DOCK6: variants seen among roughly 807,000 people sequenced by gnomAD.
The protein encoded by DOCK6 is dedicator of cytokinesis protein 6.
DOCK6 carries 167 observed loss-of-function variants against 230.3 expected under a neutral mutation model. The ratio of observed to expected loss-of-function variants is 0.73; its 90% CI spans 0.64 to 0.82. The LOEUF is 0.82. Among genes scored for constraint, DOCK6 ranks in the 40% least tolerant of loss-of-function variants. DOCK6 has a pLI of 0.00. For synonymous variants in DOCK6, 1,148 were observed against 1,185.0 expected, an observed-to-expected ratio of 0.97 and a Z score of 0.64; for missense variants, 2,598 against 2,825.8, an observed-to-expected ratio of 0.92 and a Z score of 1.83.
intron 1 of DOCK6, among the ~76,000 whole-genome samples, chr19:11,256,147 AGCGCTT>A (rs1251108404): frequency 6.6e-6 from 1 of 152,170 alleles, no homozygotes; most frequent in Non-Finnish European, 1.5e-5. Flanking sequence ...GGTTGAGAAA[AGCGCTT>A]GTGGGGAATT....
chr19:11,235,741 G>A lies in DOCK6; in HGVS notation c.2411C>T (p.Ala804Val), dbSNP rs369801948. ...GACTACATGGGCCATTGCTTCAAAG[G>A]CTCCACGGCCCAGGTTCACTGCAGG... ...SGQIVNLGRG[A>V]FEAMAHVVSL... The change falls in exon 21 of 48, where the codon GCC becomes GTC. Residue 804 changes from alanine (A) to valine (V), a missense_variant. Transcript: ENST00000294618. The A allele has an allele frequency of 2.3e-5, 37 of 1,594,848 alleles. 1 individual carries two copies. Among genetic ancestry groups the A allele is most frequent in the Admixed American group, 3.4e-5 (2 of 58,022 alleles).
chr19:11,224,892 A>T (rs527722653), intron 24 of DOCK6, among the ~76,000 whole-genome samples: 3 of 152,040 alleles, frequency 2.0e-5, no homozygotes, highest in African/African-American at 7.2e-5. Flanking sequence ...GTGAAACCCC[A>T]TCTCTACTAA....
At position 11,209,037 on chromosome 19, in the gene DOCK6, C is replaced by A; in HGVS notation, c.4818G>T (p.Lys1606Asn). The change falls in exon 38 of 48, where the codon AAG becomes AAT. Residue 1606 changes from lysine to asparagine, a missense_variant. Coordinates refer to ENST00000294618, the MANE Select transcript of DOCK6 (RefSeq NM_020812.4). Reference sequence around the variant, plus strand: ...CGGCGTGGTTGCCCAGCTCCGCGTGCTTCCCGGCCATGTTCTGCAACCAGG... The same window carrying A: ...CGGCGTGGTTGCCCAGCTCCGCGTGATTCCCGGCCATGTTCTGCAACCAGG... ...RLTWLQNMAG[K>N]HAELGNHAEA... 6.2e-7 allele frequency: 1 copy of A among 1,612,140 alleles called. No individual in the cohort carries two copies. The highest frequency in any genetic ancestry group is 8.5e-7 in the Non-Finnish European group (1 of 1,179,400).
In DOCK6 at chr19:11,222,269, G is replaced by A; in HGVS notation, c.3241-21C>T. On this transcript the variant is annotated intron_variant, in intron 26 of 47. Transcript: ENST00000294618. The surrounding 1 kb of genome is among the most constrained non-coding windows in gnomAD (Gnocchi z 4.0). ...GAGCTCTGCAGAGTGGGGGAAAAAT[G>A]GGGGATGCCAGCGGTCAAGGGTCAG... 1.9e-6 allele frequency: 3 copies of A among 1,585,962 alleles called. No homozygotes were observed. The highest frequency in any genetic ancestry group is 1.7e-6 in the Non-Finnish European group (2 of 1,166,224).
chr19:11,216,072 G>C, intron 30 of DOCK6, 145 bp from the exon 31 acceptor site: 2 of 1,058,918 alleles, frequency 1.9e-6, no homozygotes, highest in Non-Finnish European at 2.6e-6. Flanking sequence ...TAAATTCTTA[G>C]CACTTACCAA....
At chr19:11,246,492 G>T (rs1435028494) in intron 7 of DOCK6, among the ~76,000 whole-genome samples, 1 of 152,108 alleles carries the variant, frequency 6.6e-6, no homozygotes, top group Non-Finnish European at 1.5e-5. Flanking sequence ...TCACCATGTT[G>T]GCCAGGCTGG....
At chr19:11,214,045 A>C (rs2079437731) in intron 34 of DOCK6, among the ~76,000 whole-genome samples, 1 of 151,882 alleles carries the variant, frequency 6.6e-6, no homozygotes, top group African/African-American at 2.4e-5. Context: ...AGCCTCCCAA[A>C]GTGCTGGGAT....
In DOCK6 at chr19:11,202,480, ACTC is replaced by A. The variant is rs747947351; in HGVS notation, c.5362_5364del (p.Glu1788del). ...TCGTCGCCAAATCTCTCCGTGTAGA[ACTC>A]CTGGAGACACAGGGCTGACTCGGGG... is the stretch of plus-strand genomic sequence containing the variant. On this transcript the variant is annotated inframe_deletion and splice_region_variant, in exon 43 of 48. Transcript: ENST00000294618. The surrounding 1 kb of genome is among the most constrained non-coding windows in gnomAD (Gnocchi z 5.3). 6.2e-7 allele frequency: 1 copy of A among 1,608,642 alleles called. No homozygotes were observed. The highest frequency in any genetic ancestry group is 1.7e-5 in the Admixed American group (1 of 59,698).
At chr19:11,246,198 C>T (rs1431253547) in intron 7 of DOCK6, among the ~76,000 whole-genome samples, 1 of 151,864 alleles carries the variant, frequency 6.6e-6, no homozygotes, top group Non-Finnish European at 1.5e-5. Context: ...TCCTGAGTAG[C>T]TGGGACTACA....
intron 1 of DOCK6, among the ~76,000 whole-genome samples, chr19:11,259,947 G>A (rs143945015): frequency 0.019 from 2,581 of 136,006 alleles, 84 homozygotes; most frequent in African/African-American, 0.065. Context: ...GCAGTGGCAC[G>A]ATCTCTGCTC....
intron 14 of DOCK6, chr19:11,241,760 G>A (rs1436949419): frequency 2.1e-5 from 32 of 1,548,916 alleles, no homozygotes; most frequent in Non-Finnish European, 2.5e-5. Flanking sequence ...CCCCTGTGCA[G>A]GGAGGAGCTG....
chr19:11,223,633 T>A lies in DOCK6; in HGVS notation c.2956-527A>T, dbSNP rs189075198. On this transcript the variant is annotated intron_variant, in intron 24 of 47. Transcript: ENST00000294618. ...ATCGACTCTTACCATCATTTATTTT[T>A]ATTTTAATTTTAATTAATTAATTTA... Among the ~76,000 whole-genome samples, 998 of 152,322 alleles carry A rather than the reference T, an allele frequency of 6.6e-3. 9 individuals carry two copies. The highest frequency in any genetic ancestry group is 0.011 in the Non-Finnish European group (757 of 68,020).
chr19:11,262,373 GA>G, intron 1 of DOCK6, 23 bp downstream of exon 1: 2 of 1,253,172 alleles, frequency 1.6e-6, no homozygotes, highest in South Asian at 6.0e-5. Flanking sequence ...GGGGAGGTGG[GA>G]GGGGGCCCCG....
intron 21 of DOCK6, among the ~76,000 whole-genome samples, chr19:11,233,867 T>G (rs1388431084): frequency 2.6e-5 from 4 of 151,432 alleles, no homozygotes; most frequent in African/African-American, 9.7e-5. Flanking sequence ...AGAGTTTCAC[T>G]CTTGTTGCCC....
intron 24 of DOCK6, among the ~76,000 whole-genome samples, chr19:11,225,227 CAAAAA>C (rs967067762): frequency 6.7e-6 from 1 of 148,348 alleles, no homozygotes; most frequent in African/African-American, 2.5e-5. Flanking sequence ...GACTCCATCT[CAAAAA>C]AAAAAGTGGA....
Position 11,213,305 on chromosome 19 carries a change from C to T in DOCK6, c.4362G>A (p.Glu1454=), listed in dbSNP as rs2079425109. The T allele has an allele frequency of 1.9e-6, 3 of 1,612,216 alleles. No homozygotes were observed. In the East Asian group the frequency reaches 6.7e-5, roughly 36 times the overall value. The change falls in exon 35 of 48, where the codon GAG becomes GAA. Residue 1454 remains glutamate (E), a synonymous_variant. Transcript: ENST00000294618. Reference sequence around the variant, plus strand: ...ACAGGTCGGCACACAGCTCCGTGTCCTCCTCGAACAGCAGCTCCGGGAACT... The same window carrying T: ...ACAGGTCGGCACACAGCTCCGTGTCTTCCTCGAACAGCAGCTCCGGGAACT... The part of the protein sequence containing the change: ...VSKFPELLFE[E]DTELCADLCL...
rs1421960932 is a variant in DOCK6, at chr19:11,201,915, G to A, written c.5662C>T (p.Arg1888Cys). 5.7e-6 allele frequency: 9 copies of A among 1,587,866 alleles called. No homozygotes were observed. Among genetic ancestry groups the A allele is most frequent in the South Asian group, 2.3e-5 (2 of 88,010 alleles). ...TCCTCCCGGTGGCACACACGGATGCGAGTCTTGATGTAGGGGAAGGCGTGG... is the reference window on the plus strand; with the variant it reads ...TCCTCCCGGTGGCACACACGGATGCAAGTCTTGATGTAGGGGAAGGCGTGG... ...TDHAFPYIKTRIRVCHREETV... is the reference protein window; with the variant it reads ...TDHAFPYIKTCIRVCHREETV... Residue 1888 changes from arginine to cysteine, a missense_variant, in exon 44 of 48, where the codon CGC becomes TGC. By Grantham distance (180) the Arg-to-Cys change is radical. Coordinates refer to ENST00000294618, the MANE Select transcript of DOCK6 (RefSeq NM_020812.4). The surrounding 1 kb of genome is among the most constrained non-coding windows in gnomAD (Gnocchi z 4.3).
At chr19:11,253,534 A>G (rs35691318) in intron 2 of DOCK6, 105 bp downstream of exon 2, 1,025 of 720,160 alleles carry the variant, frequency 1.4e-3, no homozygotes, top group Non-Finnish European at 1.9e-3. Context: ...TCCCCCCAGG[A>G]CAGGCCACAG....
intron 47 of DOCK6, among the ~76,000 whole-genome samples, chr19:11,199,846 G>A (rs1203122776): frequency 6.6e-6 from 1 of 152,202 alleles, no homozygotes; most frequent in East Asian, 1.9e-4. Context: ...AGATGCTTAT[G>A]CAAAATTGAA....
Sources: gnomAD v4.1 joint callset for allele counts (sites outside exome capture counted in the v4.1 genomes callset) on GRCh38, gnomAD v4.1.1 for gene constraint, Gnocchi (gnomAD v3.1) non-coding constraint, MANE v1.5 for transcripts, NCBI Gene and HGNC (gene_info 2026-07-23, HGNC 2026-07-21) for gene names.